The following ABTB3 variants were observed in gnomAD, a reference collection of about 807,000 sequenced individuals.
ABTB3 encodes the protein ankyrin repeat- and BTB/POZ domain-containing protein 3.
chr12:107,323,039 AC>A, the ABTB3 span, among the ~76,000 whole-genome samples: 1 of 152,200 alleles, frequency 6.6e-6, no homozygotes, highest in Non-Finnish European at 1.5e-5. Flanking sequence ...CTTATTAGAT[AC>A]CTTTTTGAGT....
At chr12:107,639,857 A>G in the ABTB3 span, among the ~76,000 whole-genome samples, 2,541 of 152,320 alleles carry the variant, frequency 0.017, 80 homozygotes, top group African/African-American at 0.058. Context: ...TCTTTATTCT[A>G]GAAAATGAGG....
At chr12:107,339,360 T>C in the ABTB3 span, among the ~76,000 whole-genome samples, 2 of 152,234 alleles carry the variant, frequency 1.3e-5, no homozygotes, top group Non-Finnish European at 2.9e-5. Context: ...CTTGAAAAGA[T>C]GAGGACTGCC....
At chr12:107,578,825 C>T in the ABTB3 span, among the ~76,000 whole-genome samples, 1 of 152,168 alleles carries the variant, frequency 6.6e-6, no homozygotes, top group Non-Finnish European at 1.5e-5. Context: ...TGGGACTCTG[C>T]CCCACAGATA....
chr12:107,645,691 T>A, the ABTB3 span, among the ~76,000 whole-genome samples: 1 of 152,226 alleles, frequency 6.6e-6, no homozygotes, highest in Non-Finnish European at 1.5e-5. Flanking sequence ...GGGAGGTTCC[T>A]GTAATAAGAA....
the ABTB3 span, among the ~76,000 whole-genome samples, chr12:107,473,734 T>C: frequency 6.6e-6 from 1 of 152,208 alleles, no homozygotes; most frequent in Non-Finnish European, 1.5e-5. Context: ...TGTGGCTGTA[T>C]TTTATTGCAC....
the ABTB3 span, among the ~76,000 whole-genome samples, chr12:107,606,513 C>T: frequency 3.3e-5 from 5 of 152,116 alleles, no homozygotes; most frequent in Non-Finnish European, 7.4e-5. Flanking sequence ...TAGTGTGGGG[C>T]CCAGCATACC....
At chr12:107,486,328 G>A in the ABTB3 span, among the ~76,000 whole-genome samples, 9 of 152,250 alleles carry the variant, frequency 5.9e-5, no homozygotes, top group Admixed American at 5.2e-4. Flanking sequence ...ATTAGCCTGA[G>A]TGCCTTTTCT....
chr12:107,345,765 G>A, the ABTB3 span, among the ~76,000 whole-genome samples: 1 of 152,216 alleles, frequency 6.6e-6, no homozygotes, highest in South Asian at 2.1e-4. Context: ...GGCAGGTGTT[G>A]GCAGTAGGGC....
chr12:107,580,340 A>C, the ABTB3 span, among the ~76,000 whole-genome samples: 2 of 152,228 alleles, frequency 1.3e-5, no homozygotes, highest in Admixed American at 1.3e-4. Flanking sequence ...TCACTGGAAG[A>C]AATAGGAAGA....
At chr12:107,424,883 T>TA in the ABTB3 span, among the ~76,000 whole-genome samples, 1 of 152,180 alleles carries the variant, frequency 6.6e-6, no homozygotes, top group Admixed American at 6.5e-5. Context: ...CCACGCCTGT[T>TA]AGGTTTGCCT....
chr12:107,586,549 C>T, the ABTB3 span, among the ~76,000 whole-genome samples: 1 of 152,210 alleles, frequency 6.6e-6, no homozygotes, highest in South Asian at 2.1e-4. Flanking sequence ...CATGCCACGG[C>T]CCTGTGGTGA....
At chr12:107,520,284 G>A in the ABTB3 span, 1 of 985,122 alleles carries the variant, frequency 1.0e-6, no homozygotes, top group African/African-American at 1.7e-5. Context: ...AAAATCAGTA[G>A]TCAGGACTTT....
chr12:107,365,637 C>A, the ABTB3 span, among the ~76,000 whole-genome samples: 1 of 152,100 alleles, frequency 6.6e-6, no homozygotes, highest in Non-Finnish European at 1.5e-5. Context: ...CCCAACTTGT[C>A]CCACCATGTT....
At chr12:107,353,799 A>G in the ABTB3 span, among the ~76,000 whole-genome samples, 4 of 152,174 alleles carry the variant, frequency 2.6e-5, no homozygotes, top group Non-Finnish European at 5.9e-5. Context: ...TGAACTGTGC[A>G]TGTGAGGGAT....
At chr12:107,481,621 C>T in the ABTB3 span, among the ~76,000 whole-genome samples, 2 of 152,256 alleles carry the variant, frequency 1.3e-5, no homozygotes, top group South Asian at 4.1e-4. Context: ...GGTTGTGTAT[C>T]CATGAGGACT....
the ABTB3 span, among the ~76,000 whole-genome samples, chr12:107,509,658 C>T: frequency 1.3e-5 from 2 of 152,338 alleles, no homozygotes; most frequent in Non-Finnish European, 2.9e-5. Flanking sequence ...AGGAGCTCAT[C>T]ACTGGGGCCG....
At chr12:107,391,093 G>A in the ABTB3 span, among the ~76,000 whole-genome samples, 1 of 152,236 alleles carries the variant, frequency 6.6e-6, no homozygotes, top group Non-Finnish European at 1.5e-5. Context: ...GGAGGTTGCA[G>A]TGAGCCAAGA....
At chr12:107,336,590 ATTG>A in the ABTB3 span, among the ~76,000 whole-genome samples, 1,841 of 152,282 alleles carry the variant, frequency 0.012, 32 homozygotes, top group African/African-American at 0.043. Flanking sequence ...GTTGGCTGGT[ATTG>A]TTGGGACTGT....
chr12:107,588,852 C>G, the ABTB3 span, among the ~76,000 whole-genome samples: 1 of 152,132 alleles, frequency 6.6e-6, no homozygotes, highest in Non-Finnish European at 1.5e-5. Flanking sequence ...GGTTGTCCAT[C>G]CAAGTGAGAG....
Sources: allele counts gnomAD v4.1 joint callset (sites outside exome capture counted in the v4.1 genomes callset), GRCh38; gene constraint gnomAD v4.1.1; transcripts MANE v1.5; gene names NCBI Gene and HGNC (gene_info 2026-07-23, HGNC 2026-07-21).